The following SLC25A37 variants were observed in gnomAD, a reference collection of about 807,000 sequenced individuals.
SLC25A37 encodes the protein solute carrier family 25 member 37, also known as mitoferrin-1.
In SLC25A37, 17 loss-of-function variants were observed where a neutral mutation model predicts 31.0. That is an observed-to-expected ratio of 0.55 (90% confidence interval 0.38 to 0.82). The LOEUF (loss-of-function observed/expected upper bound fraction) is 0.82, where lower values mean the gene tolerates loss of function less well. SLC25A37 is among the 40% of genes least tolerant of loss of function. The pLI, the probability that SLC25A37 is intolerant of heterozygous loss-of-function variation, is 0.00. For missense variants in SLC25A37, 404 were observed against 465.8 expected, an observed-to-expected ratio of 0.87 and a Z score of 1.22; for synonymous variants, 222 against 193.0, an observed-to-expected ratio of 1.15 and a Z score of -1.24.
intron 1 of SLC25A37, among the ~76,000 whole-genome samples, chr8:23,544,989 G>C (rs981447903): frequency 1.3e-5 from 2 of 152,246 alleles, no homozygotes; most frequent in Non-Finnish European, 2.9e-5. Context: ...GGTCACATCA[G>C]AGGCATTTCT....
rs184564509 is a variant in SLC25A37, at chr8:23,529,565, C to T, written c.210+353C>T. 6.6e-6 allele frequency among the ~76,000 whole-genome samples: 1 copy of T among 152,158 alleles called. No homozygotes were observed. Among genetic ancestry groups the T allele is most frequent in the African/African-American group, 2.4e-5 (1 of 41,460 alleles). On this transcript the variant is annotated intron_variant, in intron 1 of 3. Transcript: ENST00000519973. The surrounding 1 kb of genome is among the most constrained non-coding windows in gnomAD (Gnocchi z 4.1). ...ATCGCTGAAGCTCTGCACAGTCTTA[C>T]CACGCTGGCCGTTCGGGCTGGCTGG...
intron 1 of SLC25A37, among the ~76,000 whole-genome samples, chr8:23,555,201 GT>G (rs1802331774): frequency 6.6e-6 from 1 of 152,194 alleles, no homozygotes; most frequent in African/African-American, 2.4e-5. Flanking sequence ...AGCGGGAATT[GT>G]TTTCTTCCTC....
chr8:23,551,785 G>C (rs1802232475), intron 1 of SLC25A37, among the ~76,000 whole-genome samples: 1 of 151,980 alleles, frequency 6.6e-6, no homozygotes, highest in Non-Finnish European at 1.5e-5. Context: ...CTAGGATTTA[G>C]ATACAGAGGG....
intron 1 of SLC25A37, among the ~76,000 whole-genome samples, chr8:23,559,510 T>A (rs1440897095): frequency 2.0e-5 from 3 of 152,138 alleles, no homozygotes; most frequent in Non-Finnish European, 4.4e-5. Flanking sequence ...AAATTTCTCA[T>A]CTTACCCATT....
intron 1 of SLC25A37, among the ~76,000 whole-genome samples, chr8:23,542,855 G>A (rs1224363766): frequency 6.6e-6 from 1 of 151,802 alleles, no homozygotes; most frequent in Non-Finnish European, 1.5e-5. Context: ...AGGCTAATGT[G>A]TATGTTTAAG....
At chr8:23,536,647 C>T (rs1289748550) in intron 1 of SLC25A37, among the ~76,000 whole-genome samples, 1 of 152,198 alleles carries the variant, frequency 6.6e-6, no homozygotes, top group Non-Finnish European at 1.5e-5. Flanking sequence ...GCCTCGGAGC[C>T]TCCTCAGACT....
chr8:23,542,345 A>T, intron 1 of SLC25A37, among the ~76,000 whole-genome samples: 1 of 145,716 alleles, frequency 6.9e-6, no homozygotes, highest in African/African-American at 2.6e-5. Context: ...ACTATGCTAT[A>T]CTTTTTGTCA....
chr8:23,563,946 A>G (rs1229940738), intron 1 of SLC25A37, among the ~76,000 whole-genome samples: 1 of 152,126 alleles, frequency 6.6e-6, no homozygotes. Context: ...GTGCCACTGC[A>G]CTCCAGCCTG....
intron 1 of SLC25A37, among the ~76,000 whole-genome samples, chr8:23,542,052 C>T (rs545554923): frequency 1.3e-5 from 2 of 152,324 alleles, no homozygotes; most frequent in African/African-American, 4.8e-5. Context: ...TAGCTTCATC[C>T]CCTGCCCTTC....
rs182427336 is a variant in SLC25A37 at position 23,529,721 on chromosome 8, C to G, written c.210+509C>G. On this transcript the variant is annotated intron_variant, in intron 1 of 3. Coordinates refer to ENST00000519973, the MANE Select transcript of SLC25A37 (RefSeq NM_016612.4). This position sits in a 1 kb window ranked among gnomAD's most constrained non-coding sequence, Gnocchi z 4.1. The stretch of plus-strand genomic sequence containing the variant: ...GACTTGGTGTGTGGCTGCTGCTCCC[C>G]GGGTTATTTCGGGAACTTGGGGCCG... 2.3e-4 allele frequency among the ~76,000 whole-genome samples: 35 copies of G among 152,308 alleles called. No individual in the cohort carries two copies. Among genetic ancestry groups the G allele is most frequent in the Non-Finnish European group, 4.4e-4 (30 of 68,022 alleles).
intron 1 of SLC25A37, among the ~76,000 whole-genome samples, chr8:23,562,512 T>G (rs750810643): frequency 6.6e-6 from 1 of 152,066 alleles, no homozygotes; most frequent in South Asian, 2.1e-4. Context: ...ATTTATTGGG[T>G]TCCCAATAAA....
intron 1 of SLC25A37, among the ~76,000 whole-genome samples, chr8:23,536,263 TAAAC>T (rs1243476942): frequency 2.0e-5 from 3 of 152,136 alleles, no homozygotes; most frequent in Non-Finnish European, 4.4e-5. Context: ...TTTCTTCCCA[TAAAC>T]AAACTGTTGC....
intron 1 of SLC25A37, among the ~76,000 whole-genome samples, chr8:23,532,197 C>T (rs754104052): frequency 1.8e-4 from 27 of 152,314 alleles, no homozygotes; most frequent in Admixed American, 5.9e-4. Context: ...TCTTCTTTCC[C>T]TTGGTCCTCC....
At chr8:23,565,967 T>C in intron 1 of SLC25A37, 141 bp from the exon 2 acceptor site, 1 of 1,239,270 alleles carries the variant, frequency 8.1e-7, no homozygotes, top group Non-Finnish European at 1.1e-6. Flanking sequence ...CATTTTGATT[T>C]CAAATATGTT....
At chr8:23,555,304 G>A (rs561708125) in intron 1 of SLC25A37, among the ~76,000 whole-genome samples, 1 of 152,182 alleles carries the variant, frequency 6.6e-6, no homozygotes, top group Non-Finnish European at 1.5e-5. Context: ...TGTAGTGACA[G>A]CTCTAATTCT....
intron 1 of SLC25A37, among the ~76,000 whole-genome samples, chr8:23,561,324 G>C (rs952340069): frequency 6.6e-6 from 1 of 152,130 alleles, no homozygotes; most frequent in African/African-American, 2.4e-5. Context: ...AGGGGAGGGG[G>C]TGAGAAATCA....
chr8:23,542,373 C>T (rs1206288534), intron 1 of SLC25A37, among the ~76,000 whole-genome samples: 1 of 118,074 alleles, frequency 8.5e-6, no homozygotes, highest in Non-Finnish European at 1.7e-5. Flanking sequence ...AGAGTGTACT[C>T]CTACTTTTTT....
Position 23,566,490 on chromosome 8 carries a change from ACACG to A in SLC25A37, c.439+162_439+165del, listed in dbSNP as rs939959309. ...TTGTGTGTGCAATGCACACCCAGAC[ACACG>A]CACGCACACACACGCGCGCGCACAC... On this transcript the variant is annotated intron_variant, in intron 2 of 3. Transcript: ENST00000519973. The A allele has an allele frequency of 1.4e-5, 19 of 1,386,248 alleles. No individual in the cohort carries two copies. In the African/African-American group the frequency reaches 3.6e-4, roughly 26 times the overall value. 85.9% of individuals were successfully genotyped at this position (1,386,248 alleles called of 1,614,324 possible). A position where few individuals can be genotyped will look rare whatever the true frequency, so the allele number is the denominator to read the frequency against.
chr8:23,562,934 G>T (rs1369145861), intron 1 of SLC25A37, among the ~76,000 whole-genome samples: 1 of 152,290 alleles, frequency 6.6e-6, no homozygotes, highest in Middle Eastern at 3.4e-3. Context: ...GACACGTGAA[G>T]CTTTATTTGC....
Sources: gnomAD v4.1 joint callset for allele counts (sites outside exome capture counted in the v4.1 genomes callset) on GRCh38, gnomAD v4.1.1 for gene constraint, Gnocchi (gnomAD v3.1) non-coding constraint, MANE v1.5 for transcripts, NCBI Gene and HGNC (gene_info 2026-07-23, HGNC 2026-07-21) for gene names.